ELL: variants seen among roughly 807,000 people sequenced by gnomAD.
The protein encoded by ELL is RNA polymerase II elongation factor ELL.
A neutral mutation model predicts 64.0 loss-of-function variants in ELL; 18 were observed. The ratio of observed to expected loss-of-function variants is 0.28; its 90% confidence interval spans 0.19 to 0.42. The LOEUF is 0.42. Ranked by LOEUF, ELL falls within the 10% of genes least tolerant of loss-of-function variation. The pLI is 1.00. For missense variants in ELL, 797 were observed against 870.4 expected, an observed-to-expected ratio of 0.92 and a Z score of 1.06; for synonymous variants, 399 against 376.2, an observed-to-expected ratio of 1.06 and a Z score of -0.70.
chr19:18,474,801 G>C (rs564180705), intron 1 of ELL, among the ~76,000 whole-genome samples: 1 of 152,338 alleles, frequency 6.6e-6, no homozygotes, highest in East Asian at 1.9e-4. Context: ...TGGGACCTTG[G>C]GGAAGCAGCA....
chr19:18,445,941 C>T (rs533429258), intron 10 of ELL, among the ~76,000 whole-genome samples: 40 of 152,106 alleles, frequency 2.6e-4, no homozygotes, highest in Admixed American at 2.4e-3. Context: ...AGCTCAGCTG[C>T]GGAGTCTCCT....
intron 1 of ELL, chr19:18,473,251 C>A (rs775334918): frequency 9.1e-5 from 49 of 537,518 alleles, no homozygotes; most frequent in South Asian, 7.4e-4. Context: ...TCAAGGTGCT[C>A]ACAGCCCTGC....
At position 18,446,736 on chromosome 19, in the gene ELL, A is replaced by G. The variant is rs1242362193; in HGVS notation, c.1532+12T>C. ...GGGAGGCCTGGCCTGCAGGGCCCAG[A>G]CAAACACTCACAGCAAGTAGTCAGG... On this transcript the variant is annotated intron_variant, in intron 9 of 11. Coordinates refer to ENST00000262809, the MANE Select transcript of ELL (RefSeq NM_006532.4). 1 of 1,613,866 alleles carries G rather than the reference A, an allele frequency of 6.2e-7. No individual in the cohort carries two copies. The highest frequency in any genetic ancestry group is 1.1e-5 in the South Asian group (1 of 91,066).
chr19:18,496,962 A>C (rs1176906284), intron 1 of ELL, among the ~76,000 whole-genome samples: 1 of 152,254 alleles, frequency 6.6e-6, no homozygotes, highest in East Asian at 1.9e-4. Context: ...TGGACATGCA[A>C]AATGGTGCGG....
intron 1 of ELL, among the ~76,000 whole-genome samples, chr19:18,489,989 C>T (rs1272998718): frequency 1.3e-5 from 2 of 152,160 alleles, no homozygotes; most frequent in Non-Finnish European, 2.9e-5. Context: ...CTGTGGAGCC[C>T]GTGCTGGTCC....
intron 2 of ELL, among the ~76,000 whole-genome samples, chr19:18,470,740 G>T (rs1265287269): frequency 1.3e-5 from 2 of 152,160 alleles, no homozygotes; most frequent in Admixed American, 1.3e-4. Context: ...TGGTCCCATC[G>T]AATCAGCCCA....
intron 1 of ELL, chr19:18,475,992 G>A (rs1975167913): frequency 6.6e-6 from 1 of 152,288 alleles, no homozygotes; most frequent in African/African-American, 2.4e-5. Flanking sequence ...GAGTGAAAGG[G>A]AACTGGCGTA....
chr19:18,489,791 G>A (rs1949988563), intron 1 of ELL, among the ~76,000 whole-genome samples: 1 of 152,086 alleles, frequency 6.6e-6, no homozygotes, highest in Non-Finnish European at 1.5e-5. Flanking sequence ...CTGGGGCCCC[G>A]GCCTCTGGCT....
Position 18,468,042 on chromosome 19 carries a change from CCA to C in ELL, c.184-2126_184-2125del, listed in dbSNP as rs1221954853. On this transcript the variant is annotated intron_variant, in intron 2 of 11. Coordinates refer to ENST00000262809, the MANE Select transcript of ELL (RefSeq NM_006532.4). ...CACACAACCCACACATGCACAACCC[CCA>C]CACACACAGCCACACACAAACCCCT... is the stretch of plus-strand genomic sequence containing the variant. Among the ~76,000 whole-genome samples, 11 of 148,900 alleles carry C rather than the reference CCA, an allele frequency of 7.4e-5. No individual in the cohort carries two copies. The South Asian group carries it at 1.1e-3, about 15-fold the overall frequency.
At chr19:18,508,319 A>G (rs1018995630) in intron 1 of ELL, among the ~76,000 whole-genome samples, 3 of 152,216 alleles carry the variant, frequency 2.0e-5, no homozygotes, top group Non-Finnish European at 4.4e-5. Context: ...TAAAAAATAA[A>G]AACAAAAATA....
At chr19:18,500,727 C>A (rs904972013) in intron 1 of ELL, among the ~76,000 whole-genome samples, 1 of 152,158 alleles carries the variant, frequency 6.6e-6, no homozygotes, top group Admixed American at 6.6e-5. Flanking sequence ...CTGGAACATA[C>A]CATTGTGCAA....
chr19:18,463,822 C>G (rs1195039655), intron 4 of ELL, among the ~76,000 whole-genome samples: 2 of 149,578 alleles, frequency 1.3e-5, no homozygotes, highest in African/African-American at 4.9e-5. Context: ...ATTAAAAATA[C>G]AAAAAAAAAG....
rs773675767 is a variant in ELL, at chr19:18,443,302, C to T, written c.*1450G>A. On this transcript the variant is annotated 3_prime_UTR_variant, in exon 12 of 12. Transcript: ENST00000262809. ...GGGGGTCCCAAAGGAGAGAGACTCT[C>T]GGGCAGGGGTGGGATACACTGTGGG... is the stretch of plus-strand genomic sequence containing the variant. 7.7e-5 allele frequency: 18 copies of T among 233,112 alleles called. No homozygotes were observed. The highest frequency in any genetic ancestry group is 1.7e-4 in the Admixed American group (3 of 17,774). The allele number at this position is 233,112 out of a possible 1,614,324, so 14.4% of individuals were successfully genotyped here. A position where few individuals can be genotyped will look rare whatever the true frequency, so the allele number is the denominator to read the frequency against.
chr19:18,486,506 G>T (rs1215910355), intron 1 of ELL, among the ~76,000 whole-genome samples: 1 of 152,112 alleles, frequency 6.6e-6, no homozygotes, highest in Non-Finnish European at 1.5e-5. Context: ...CTCCTCCGGT[G>T]GTCGGCCACA....
intron 1 of ELL, chr19:18,475,886 T>C (rs1975164823): frequency 1.3e-5 from 2 of 152,178 alleles, no homozygotes; most frequent in Admixed American, 1.3e-4. Context: ...CCGTCTTTGT[T>C]GACTCAGGGC....
chr19:18,464,493 A>G (rs951723197), intron 4 of ELL, among the ~76,000 whole-genome samples: 1 of 51,644 alleles, frequency 1.9e-5, no homozygotes, highest in African/African-American at 2.4e-4. Flanking sequence ...CTGGCCATAC[A>G]ACATGTCCAC....
rs544431420 is a variant in ELL, at chr19:18,450,456, C to T, written c.1465+21G>A. The T allele has an allele frequency of 3.7e-6, 6 of 1,607,680 alleles. No individual in the cohort carries two copies. In the East Asian group the frequency reaches 8.9e-5, roughly 24 times the overall value. ...GCCAGTACTTAGAGCCCCGGCAACG[C>T]CCTCCTGCCTGGGCACCTACCTGGG... On this transcript the variant is annotated intron_variant, in intron 8 of 11. Transcript: ENST00000262809.
chr19:18,457,357 T>C (rs1600437417), intron 6 of ELL, among the ~76,000 whole-genome samples: 1 of 151,714 alleles, frequency 6.6e-6, no homozygotes, highest in African/African-American at 2.4e-5. Context: ...TGGGGGCGGG[T>C]CTTCTGCCAA....
intron 1 of ELL, among the ~76,000 whole-genome samples, chr19:18,521,418 C>G (rs1459109648): frequency 6.6e-6 from 1 of 152,162 alleles, no homozygotes; most frequent in Non-Finnish European, 1.5e-5. Flanking sequence ...AAGTGCCTCG[C>G]TGACCACCCC....
Sources: gnomAD v4.1 joint callset for allele counts (sites outside exome capture counted in the v4.1 genomes callset) on GRCh38, gnomAD v4.1.1 for gene constraint, MANE v1.5 for transcripts, NCBI Gene and HGNC (gene_info 2026-07-23, HGNC 2026-07-21) for gene names.